ITGB3BP: variants seen among roughly 807,000 people sequenced by gnomAD.
ITGB3BP encodes integrin subunit beta 3 binding protein, also known as centromere protein R.
In ITGB3BP, 27 loss-of-function variants were observed where a neutral mutation model predicts 29.1. The observed-to-expected ratio is 0.93, with a 90% CI of 0.68 to 1.28. ITGB3BP has a LOEUF of 1.28. ITGB3BP is among the 50% of genes most tolerant of loss of function. ITGB3BP has a pLI of 0.00. For synonymous variants in ITGB3BP, 61 were observed against 61.4 expected, an observed-to-expected ratio of 0.99 and a Z score of 0.03; for missense variants, 192 against 200.2, an observed-to-expected ratio of 0.96 and a Z score of 0.25.
intron 4 of ITGB3BP, among the ~76,000 whole-genome samples, chr1:63,461,773 C>A (rs1016347515): frequency 3.3e-5 from 5 of 152,174 alleles, no homozygotes; most frequent in African/African-American, 1.2e-4. Flanking sequence ...AACCAACTGG[C>A]CATAGATGTA....
chr1:63,488,137 AGTC>A (rs1335319762), intron 3 of ITGB3BP, among the ~76,000 whole-genome samples: 2 of 152,122 alleles, frequency 1.3e-5, no homozygotes, highest in Non-Finnish European at 2.9e-5. Context: ...TATAATATTA[AGTC>A]TTCTGTTCAC....
chr1:63,491,546 T>C (rs768097710), intron 2 of ITGB3BP, among the ~76,000 whole-genome samples: 16 of 152,174 alleles, frequency 1.1e-4, no homozygotes, highest in Non-Finnish European at 2.2e-4. Flanking sequence ...GTAGAGGATT[T>C]GAAATAGTTC....
chr1:63,475,024 G>C (rs576799930), intron 4 of ITGB3BP, among the ~76,000 whole-genome samples: 1 of 152,304 alleles, frequency 6.6e-6, no homozygotes, highest in Non-Finnish European at 1.5e-5. Context: ...GCTTAGGCTG[G>C]AGAGTAGTGA....
At chr1:63,477,139 T>A (rs561946548) in intron 4 of ITGB3BP, among the ~76,000 whole-genome samples, 1 of 152,306 alleles carries the variant, frequency 6.6e-6, no homozygotes, top group Non-Finnish European at 1.5e-5. Context: ...ATGGAGGAGA[T>A]GCCAAACAAT....
At chr1:63,491,410 A>G (rs1645643123) in intron 2 of ITGB3BP, among the ~76,000 whole-genome samples, 1 of 152,208 alleles carries the variant, frequency 6.6e-6, no homozygotes, top group African/African-American at 2.4e-5. Context: ...TGGCTGCAGT[A>G]GTCTGTCACA....
At chr1:63,471,605 T>C (rs999392339) in intron 4 of ITGB3BP, among the ~76,000 whole-genome samples, 7 of 152,146 alleles carry the variant, frequency 4.6e-5, no homozygotes, top group African/African-American at 1.4e-4. Flanking sequence ...CCACCTGGAA[T>C]TGATTTTTGT....
chr1:63,493,436 A>G (rs1645709995), intron 2 of ITGB3BP, among the ~76,000 whole-genome samples: 1 of 151,814 alleles, frequency 6.6e-6, no homozygotes, highest in Admixed American at 6.6e-5. Flanking sequence ...AAACAAACAA[A>G]CAAACAAACA....
chr1:63,473,160 G>C (rs1645240729), intron 4 of ITGB3BP, among the ~76,000 whole-genome samples: 1 of 149,706 alleles, frequency 6.7e-6, no homozygotes, highest in Non-Finnish European at 1.5e-5. Context: ...GCCTCTGCTG[G>C]GCCGCAACCC....
At chr1:63,517,151 T>A (rs1196149167) in intron 1 of ITGB3BP, among the ~76,000 whole-genome samples, 4 of 152,078 alleles carry the variant, frequency 2.6e-5, no homozygotes, top group Admixed American at 6.5e-5. Context: ...TAACTTTTTT[T>A]AAAAAAGATC....
intron 2 of ITGB3BP, among the ~76,000 whole-genome samples, chr1:63,506,534 C>G (rs920084630): frequency 6.6e-6 from 1 of 152,050 alleles, no homozygotes. Flanking sequence ...TACGGGAGTA[C>G]AATTTAAGAT....
At chr1:63,462,094 ATCT>A (rs1557615605) in intron 4 of ITGB3BP, among the ~76,000 whole-genome samples, 1 of 152,202 alleles carries the variant, frequency 6.6e-6, no homozygotes, top group East Asian at 1.9e-4. Context: ...ACAATATTAA[ATCT>A]TCTTGCCCAT....
At chr1:63,461,402 C>A (rs1387983801) in intron 4 of ITGB3BP, among the ~76,000 whole-genome samples, 11 of 152,054 alleles carry the variant, frequency 7.2e-5, no homozygotes, top group African/African-American at 2.7e-4. Flanking sequence ...AATATTTTCT[C>A]CCATTCTGTG....
intron 1 of ITGB3BP, among the ~76,000 whole-genome samples, chr1:63,514,907 C>T (rs542771677): frequency 6.9e-6 from 1 of 144,022 alleles, no homozygotes; most frequent in East Asian, 2.0e-4. Context: ...GATCGTGCCA[C>T]TGCACTCCAG....
intron 2 of ITGB3BP, among the ~76,000 whole-genome samples, chr1:63,491,239 G>C (rs1421920091): frequency 6.6e-6 from 1 of 152,044 alleles, no homozygotes; most frequent in East Asian, 1.9e-4. Flanking sequence ...TAAGCTTACT[G>C]ATCACCCACC....
In ITGB3BP at chr1:63,482,457, G is replaced by A. The variant is rs74827575; in HGVS notation, c.185-3624C>T. Among the ~76,000 whole-genome samples, 175 of 151,748 alleles carry A rather than the reference G, an allele frequency of 1.2e-3. 3 individuals are homozygous for A. The East Asian group carries it at 0.025, about 21-fold the overall frequency. ...GAGGTTCAAGTGATTTGTTCAAGGT[G>A]GTCAAACAAAAGTTAGTAACTTCTT... On this transcript the variant is annotated intron_variant, in intron 3 of 8. Transcript: ENST00000271002.
chr1:63,452,646 T>TA (rs1644877914), intron 7 of ITGB3BP, among the ~76,000 whole-genome samples: 1 of 95,742 alleles, frequency 1.0e-5, no homozygotes, highest in East Asian at 2.8e-4. Flanking sequence ...TTTTTTTTTT[T>TA]TAAAAGATCC....
intron 4 of ITGB3BP, chr1:63,457,971 T>C (rs886499799): frequency 6.7e-6 from 1 of 148,266 alleles, no homozygotes; most frequent in Non-Finnish European, 1.5e-5. Context: ...ATCTCGTAGT[T>C]TTTCTCTTGA....
chr1:63,476,500 A>G (rs1480814731), intron 4 of ITGB3BP, among the ~76,000 whole-genome samples: 1 of 152,274 alleles, frequency 6.6e-6, no homozygotes, highest in Non-Finnish European at 1.5e-5. Context: ...TAATAAATTA[A>G]GTAAACATAG....
At chr1:63,484,465 T>C (rs978274981) in intron 3 of ITGB3BP, among the ~76,000 whole-genome samples, 2 of 152,158 alleles carry the variant, frequency 1.3e-5, no homozygotes, top group African/African-American at 4.8e-5. Flanking sequence ...CATTCAATTT[T>C]AAATATTTTA....
Sources: gnomAD v4.1 joint callset for allele counts (sites outside exome capture counted in the v4.1 genomes callset) on GRCh38, gnomAD v4.1.1 for gene constraint, MANE v1.5 for transcripts, NCBI Gene and HGNC (gene_info 2026-07-23, HGNC 2026-07-21) for gene names.